Variants in SUMF1 observed in about 807,000 individuals in gnomAD.
The protein encoded by SUMF1 is formylglycine-generating enzyme.
SUMF1 carries 48 observed loss-of-function variants against 47.6 expected under a neutral mutation model. The observed-to-expected ratio is 1.01, with a 90% CI of 0.80 to 1.28. The LOEUF (loss-of-function observed/expected upper bound fraction) is 1.28, where lower values mean the gene tolerates loss of function less well. SUMF1 is among the 50% of genes most tolerant of loss of function. The probability of loss-of-function intolerance (pLI) is 0.00; values close to 1 mark genes in which losing one functional copy is unlikely to be tolerated. For synonymous variants in SUMF1, 230 were observed against 192.1 expected (o/e 1.20, Z -1.63); for missense variants, 571 against 485.4 (o/e 1.18, Z -1.66).
At chr3:4,395,938 A>G (rs1407731750) in intron 7 of SUMF1, among the ~76,000 whole-genome samples, 5 of 152,196 alleles carry the variant, frequency 3.3e-5, no homozygotes, top group Non-Finnish European at 1.5e-5. Flanking sequence ...ATTGTTTTCT[A>G]TATTTTTAGT....
intron 8 of SUMF1, among the ~76,000 whole-genome samples, chr3:4,345,776 T>C (rs1449598039): frequency 1.3e-5 from 2 of 152,102 alleles, no homozygotes; most frequent in Non-Finnish European, 2.9e-5. Flanking sequence ...CAGCATGCTG[T>C]ATTCAGGAGA....
intron 8 of SUMF1, among the ~76,000 whole-genome samples, chr3:4,289,632 C>T (rs908803337): frequency 6.6e-6 from 1 of 152,156 alleles, no homozygotes; most frequent in Non-Finnish European, 1.5e-5. Flanking sequence ...CCTCCATCAC[C>T]CATTACAGTA....
intron 9 of SUMF1, among the ~76,000 whole-genome samples, chr3:4,042,126 A>G (rs577783703): frequency 6.6e-6 from 1 of 152,318 alleles, no homozygotes; most frequent in Admixed American, 6.5e-5. Flanking sequence ...CATCTTCCCT[A>G]TAAAATGGGA....
chr3:4,065,903 T>C (rs1010843675), intron 9 of SUMF1, among the ~76,000 whole-genome samples: 5 of 152,126 alleles, frequency 3.3e-5, no homozygotes, highest in Non-Finnish European at 7.4e-5. Context: ...GAACCAACCC[T>C]TGTGATATGA....
intron 7 of SUMF1, among the ~76,000 whole-genome samples, chr3:4,401,102 A>C (rs1387902646): frequency 4.0e-5 from 6 of 151,630 alleles, no homozygotes; most frequent in Non-Finnish European, 7.4e-5. Flanking sequence ...GCTAAGAATG[A>C]TGGTTTCCAG....
intron 8 of SUMF1, among the ~76,000 whole-genome samples, chr3:4,219,297 A>C (rs776223973): frequency 8.5e-5 from 13 of 152,188 alleles, no homozygotes; most frequent in Non-Finnish European, 1.8e-4. Context: ...ATCAATGAAG[A>C]GGCAGAGGAG....
intron 8 of SUMF1, among the ~76,000 whole-genome samples, chr3:4,373,517 C>G (rs560227855): frequency 1.3e-5 from 2 of 152,060 alleles, no homozygotes; most frequent in African/African-American, 4.8e-5. Context: ...ACTCAGGAGG[C>G]TGAGGCAGGA....
At chr3:4,059,454 C>A (rs1332155117) in intron 9 of SUMF1, among the ~76,000 whole-genome samples, 1 of 152,124 alleles carries the variant, frequency 6.6e-6, no homozygotes, top group Non-Finnish European at 1.5e-5. Context: ...TCTAAAAGTG[C>A]AGCTCTGTGA....
At chr3:4,082,750 G>T (rs184049154) in intron 8 of SUMF1, among the ~76,000 whole-genome samples, 2 of 152,194 alleles carry the variant, frequency 1.3e-5, no homozygotes, top group Admixed American at 1.3e-4. Flanking sequence ...AAGAGAGAAA[G>T]AGAGATTACA....
Position 4,340,148 on chromosome 3 carries a change from C to A in SUMF1, c.1014+36182G>T, listed in dbSNP as rs1313949961. 2.6e-5 allele frequency among the ~76,000 whole-genome samples: 4 copies of A among 151,990 alleles called. No homozygotes were observed. In the East Asian group the frequency reaches 7.7e-4, roughly 29 times the overall value. ...ACAAACACACACACGCACTGCTTGGCCCCAACTCCGGAGTTGTTAATGTAG... is the reference window on the plus strand; with the variant it reads ...ACAAACACACACACGCACTGCTTGGACCCAACTCCGGAGTTGTTAATGTAG... On this transcript the variant is annotated intron_variant and NMD_transcript_variant, in intron 8 of 12. Coordinates refer to the SUMF1 transcript ENST00000448413.
rs1293311765 is a variant in SUMF1 at position 4,253,781 on chromosome 3, G to T, written c.1014+122549C>A. ...CACCACAGCTCAAGGAGGCCTGCCT[G>T]CCTCTGTAGGCTCCACCTCTGGGGG... On this transcript the variant is annotated intron_variant and NMD_transcript_variant, in intron 8 of 12. Coordinates refer to the SUMF1 transcript ENST00000448413. Among the ~76,000 whole-genome samples the T allele has an allele frequency of 2.0e-5, 3 of 146,384 alleles. No individual in the cohort carries two copies. In the South Asian group the frequency reaches 7.0e-4, roughly 34 times the overall value.
At chr3:4,249,282 T>A (rs997018190) in intron 8 of SUMF1, among the ~76,000 whole-genome samples, 15 of 152,218 alleles carry the variant, frequency 9.9e-5, no homozygotes, top group African/African-American at 3.6e-4. Flanking sequence ...CTTATTTTAT[T>A]CTGCTTCACT....
intron 8 of SUMF1, among the ~76,000 whole-genome samples, chr3:4,318,483 CAT>C (rs1183741854): frequency 6.6e-6 from 1 of 152,236 alleles, no homozygotes; most frequent in Admixed American, 6.5e-5. Context: ...CCACAGCTAA[CAT>C]CATACATAAT....
chr3:4,117,842 T>A (rs374903844), intron 8 of SUMF1, among the ~76,000 whole-genome samples: 1 of 152,054 alleles, frequency 6.6e-6, no homozygotes, highest in Non-Finnish European at 1.5e-5. Context: ...TCATTTCCAT[T>A]GGCTACATGG....
chr3:4,241,046 A>G (rs1283083340), intron 8 of SUMF1, among the ~76,000 whole-genome samples: 2 of 152,132 alleles, frequency 1.3e-5, no homozygotes, highest in African/African-American at 4.8e-5. Context: ...GCACATTTAT[A>G]TCAGTAGAAA....
At chr3:4,353,589 G>A (rs1699555655) in intron 8 of SUMF1, among the ~76,000 whole-genome samples, 1 of 152,136 alleles carries the variant, frequency 6.6e-6, no homozygotes, top group Non-Finnish European at 1.5e-5. Context: ...CTCATATTCT[G>A]TGAGCCCTCA....
At chr3:4,213,203 C>G (rs1407915220) in intron 8 of SUMF1, among the ~76,000 whole-genome samples, 1 of 152,166 alleles carries the variant, frequency 6.6e-6, no homozygotes, top group Non-Finnish European at 1.5e-5. Flanking sequence ...ATCAGACTAA[C>G]AGCAAATCTC....
intron 8 of SUMF1, chr3:4,303,533 G>C (rs1218367555): frequency 2.3e-5 from 31 of 1,371,558 alleles, no homozygotes; most frequent in Non-Finnish European, 2.9e-5. Context: ...CCAGGTAGGG[G>C]CGGGGCCAGG....
intron 7 of SUMF1, among the ~76,000 whole-genome samples, chr3:4,398,127 T>C (rs1559272862): frequency 1.3e-5 from 2 of 152,164 alleles, no homozygotes; most frequent in Non-Finnish European, 2.9e-5. Context: ...TTAACCATCA[T>C]GCTATACTTC....
Sources: allele counts gnomAD v4.1 joint callset (sites outside exome capture counted in the v4.1 genomes callset), GRCh38; gene constraint gnomAD v4.1.1; transcripts MANE v1.5; gene names NCBI Gene and HGNC (gene_info 2026-07-23, HGNC 2026-07-21).